PON3: variants seen among roughly 807,000 people sequenced by gnomAD.
PON3 encodes serum paraoxonase/lactonase 3.
A neutral mutation model predicts 36.3 loss-of-function variants in PON3; 37 were observed. That is an observed-to-expected ratio of 1.02 (90% CI 0.78 to 1.34). PON3 has a LOEUF of 1.34. Ranked by LOEUF, PON3 falls within the 40% of genes most tolerant of loss-of-function variation. PON3 has a pLI of 0.00. For missense variants in PON3, 415 were observed against 426.5 expected (o/e 0.97, Z 0.24); for synonymous variants, 155 against 154.8 (o/e 1.00, Z -0.01).
intron 3 of PON3, among the ~76,000 whole-genome samples, chr7:95,388,869 C>A (rs935896060): frequency 6.6e-6 from 1 of 152,100 alleles, no homozygotes; most frequent in Non-Finnish European, 1.5e-5. Flanking sequence ...TGTTTTCACT[C>A]ATAAGTGGGA....
intron 2 of PON3, among the ~76,000 whole-genome samples, chr7:95,394,140 CG>C (rs953791625): frequency 1.2e-4 from 18 of 152,150 alleles, no homozygotes; most frequent in Admixed American, 3.3e-4. Context: ...CCTCATGATC[CG>C]CCCCCCTCGG....
At chr7:95,393,427 G>A (rs1024837519) in intron 2 of PON3, among the ~76,000 whole-genome samples, 6 of 152,200 alleles carry the variant, frequency 3.9e-5, no homozygotes, top group Non-Finnish European at 7.3e-5. Flanking sequence ...TAAGTTTGGA[G>A]GGAATTTCAT....
chr7:95,396,296 C>A lies in PON3; in HGVS notation c.55G>T (p.Glu19Ter), dbSNP rs541252123. Residue 19 changes from glutamate to a stop codon, truncating the protein, a stop_gained, in exon 1 of 9, where the codon GAG (glutamate) becomes TAG (stop). Coordinates refer to ENST00000265627, the MANE Select transcript of PON3 (RefSeq NM_000940.3). LOFTEE classifies it high-confidence loss of function. ...ACTCACCTAAACGCCAGGAACATCT[C>A]CCCGACTAAGGACAGGCCGACCCCC... is the stretch of plus-strand genomic sequence containing the variant. The part of the protein sequence containing the change: ...LLGVGLSLVG[E>*]MFLAFRERVN... The A allele has an allele frequency of 4.4e-5, 71 of 1,613,934 alleles. No individual in the cohort carries two copies. The highest frequency in any genetic ancestry group is 5.9e-5 in the Non-Finnish European group (70 of 1,179,990).
chr7:95,388,196 C>T (rs1319297665), intron 3 of PON3, among the ~76,000 whole-genome samples: 4 of 152,236 alleles, frequency 2.6e-5, no homozygotes, highest in South Asian at 4.1e-4. Flanking sequence ...ACCCATCTGA[C>T]AAAGGGCTAA....
chr7:95,367,524 AC>A, intron 4 of PON3, 36 bp from the exon 5 acceptor site: 2 of 1,606,236 alleles, frequency 1.2e-6, no homozygotes, highest in South Asian at 2.2e-5. Context: ...CAAGAAAGTT[AC>A]CCCTATCACA....
chr7:95,367,820 C>A (rs1808732130), intron 4 of PON3, among the ~76,000 whole-genome samples: 1 of 152,168 alleles, frequency 6.6e-6, no homozygotes, highest in African/African-American at 2.4e-5. Context: ...GATGTGGTTT[C>A]CCCAGATGGC....
intron 8 of PON3, among the ~76,000 whole-genome samples, chr7:95,360,983 T>C (rs1439285333): frequency 2.6e-5 from 4 of 152,126 alleles, no homozygotes; most frequent in Non-Finnish European, 5.9e-5. Context: ...AAAAGTCTTA[T>C]CTAAAATTTT....
intron 7 of PON3, 47 bp downstream of exon 7, chr7:95,362,713 A>C (rs746789431): frequency 6.7e-7 from 1 of 1,502,216 alleles, no homozygotes; most frequent in Non-Finnish European, 9.3e-7. Context: ...CAAGTATGGG[A>C]CTAAGGTAAG....
chr7:95,382,449 C>T (rs925765903), intron 3 of PON3, among the ~76,000 whole-genome samples: 1 of 151,954 alleles, frequency 6.6e-6, no homozygotes, highest in African/African-American at 2.4e-5. Context: ...AATTGATAGA[C>T]CACTAGCAAG....
intron 3 of PON3, among the ~76,000 whole-genome samples, chr7:95,385,575 G>C (rs902337258): frequency 6.6e-6 from 1 of 152,046 alleles, no homozygotes; most frequent in Admixed American, 6.6e-5. Flanking sequence ...AGACCTCATA[G>C]ACATACACAG....
chr7:95,376,944 G>A (rs545646281), intron 3 of PON3, among the ~76,000 whole-genome samples: 298 of 152,308 alleles, frequency 2.0e-3, no homozygotes, highest in South Asian at 3.9e-3. Flanking sequence ...GGGGCAGGGC[G>A]TCACCTCACC....
chr7:95,384,437 A>T (rs531521036), intron 3 of PON3, among the ~76,000 whole-genome samples: 2 of 152,212 alleles, frequency 1.3e-5, no homozygotes, highest in East Asian at 1.9e-4. Flanking sequence ...ATGCAAGAAA[A>T]TTTTTTCAGT....
In PON3 at chr7:95,396,337, A is replaced by G. The variant is rs1239345328; in HGVS notation, c.14T>C (p.Val5Ala). 6.2e-7 allele frequency: 1 copy of G among 1,613,870 alleles called. No individual in the cohort carries two copies. ...GCCGACCCCCAGCAGGACCAGCGCC[A>G]CGAGCTTCCCCATGGTCTCGGGGTG... is the stretch of plus-strand genomic sequence containing the variant. MGKL[V>A]ALVLLGVGLS... Residue 5 changes from valine to alanine, a missense_variant, in exon 1 of 9, where the codon GTG becomes GCG. Coordinates refer to ENST00000265627, the MANE Select transcript of PON3 (RefSeq NM_000940.3).
chr7:95,390,254 TA>T (rs1809290239), intron 2 of PON3, 45 bp from the exon 3 acceptor site: 1 of 1,427,250 alleles, frequency 7.0e-7, no homozygotes, highest in South Asian at 1.1e-5. Flanking sequence ...TATGAAGGCT[TA>T]AAAAATACGT....
intron 2 of PON3, among the ~76,000 whole-genome samples, chr7:95,391,783 T>A (rs568021129): frequency 6.6e-6 from 1 of 152,240 alleles, no homozygotes; most frequent in East Asian, 1.9e-4. Context: ...ATATCTAGAC[T>A]GCCTTGTTTT....
intron 3 of PON3, among the ~76,000 whole-genome samples, chr7:95,380,745 C>A (rs1360287359): frequency 1.3e-5 from 2 of 152,108 alleles, no homozygotes; most frequent in African/African-American, 2.4e-5. Flanking sequence ...CTGAAAGTGA[C>A]GGGGAGAATG....
At chr7:95,392,138 G>C (rs1809333056) in intron 2 of PON3, among the ~76,000 whole-genome samples, 1 of 152,182 alleles carries the variant, frequency 6.6e-6, no homozygotes, top group South Asian at 2.1e-4. Flanking sequence ...ATAGTCACCA[G>C]GCCTTTGATA....
intron 3 of PON3, among the ~76,000 whole-genome samples, chr7:95,389,729 G>T (rs17882519): frequency 1.4e-3 from 212 of 152,210 alleles, no homozygotes; most frequent in Middle Eastern, 6.8e-3. Flanking sequence ...GTTAATATTC[G>T]ATCCACAAAC....
chr7:95,362,585 C>A (rs1309417549), intron 7 of PON3, 95 bp from the exon 8 acceptor site: 7 of 1,578,716 alleles, frequency 4.4e-6, no homozygotes, highest in Non-Finnish European at 6.1e-6. Context: ...TCTTCTGGCA[C>A]CTAAAGTTGG....
Sources: gnomAD v4.1 joint callset for allele counts (sites outside exome capture counted in the v4.1 genomes callset) on GRCh38, gnomAD v4.1.1 for gene constraint, MANE v1.5 for transcripts, NCBI Gene and HGNC (gene_info 2026-07-23, HGNC 2026-07-21) for gene names.